Variants in OSBPL6 observed in about 807,000 individuals in gnomAD.
OSBPL6 encodes the protein oxysterol binding protein like 6.
A neutral mutation model predicts 125.8 loss-of-function variants in OSBPL6; 49 were observed. The observed-to-expected ratio is 0.39, with a 90% CI of 0.31 to 0.49. The LOEUF (loss-of-function observed/expected upper bound fraction) is 0.49. OSBPL6 is among the 20% of genes least tolerant of loss of function. The pLI is 0.88. For missense variants in OSBPL6, 986 were observed against 1,135.4 expected, an observed-to-expected ratio of 0.87 and a Z score of 1.89; for synonymous variants, 394 against 391.8, an observed-to-expected ratio of 1.01 and a Z score of -0.07.
In OSBPL6 at chr2:178,402,097, C is replaced by T. The variant is rs948056617; in HGVS notation, c.*6538C>T. 5 of 151,338 alleles carry T rather than the reference C, an allele frequency of 3.3e-5. No individual in the cohort carries two copies. The highest frequency in any genetic ancestry group is 3.3e-4 in the Admixed American group (5 of 15,240). The allele number at this position is 151,338 out of a possible 1,614,324, so 9.4% of individuals were successfully genotyped here. A position where few individuals can be genotyped will look rare whatever the true frequency, so the allele number is the denominator to read the frequency against. The stretch of plus-strand genomic sequence containing the variant: ...TGAGCCTGGACGACAGAGCAAGTTC[C>T]TGTCTTAAAAAAAAAAGTAATAAAA... On this transcript the variant is annotated 3_prime_UTR_variant, in exon 25 of 25. Coordinates refer to ENST00000190611, the MANE Select transcript of OSBPL6 (RefSeq NM_032523.4).
chr2:178,280,615 T>C (rs1467502066), intron 1 of OSBPL6, among the ~76,000 whole-genome samples: 1 of 152,228 alleles, frequency 6.6e-6, no homozygotes, highest in Admixed American at 6.5e-5. Flanking sequence ...ATATACACTT[T>C]CGTGCATTTA....
intron 1 of OSBPL6, among the ~76,000 whole-genome samples, chr2:178,274,424 TAATA>T (rs1226331654): frequency 6.6e-6 from 1 of 151,990 alleles, no homozygotes; most frequent in Non-Finnish European, 1.5e-5. Context: ...ATAAATAAAC[TAATA>T]AATAAACTGT....
At chr2:178,380,521 A>G (rs1187472324) in intron 15 of OSBPL6, among the ~76,000 whole-genome samples, 2 of 151,904 alleles carry the variant, frequency 1.3e-5, no homozygotes, top group Non-Finnish European at 2.9e-5. Flanking sequence ...ATACTAAAAA[A>G]GATGGATAGT....
chr2:178,326,567 G>C (rs1217820559), intron 4 of OSBPL6, among the ~76,000 whole-genome samples: 1 of 152,150 alleles, frequency 6.6e-6, no homozygotes, highest in African/African-American at 2.4e-5. Flanking sequence ...AGTCTACTAA[G>C]TATAGAGGGA....
At chr2:178,353,473 G>A (rs1339063252) in intron 12 of OSBPL6, among the ~76,000 whole-genome samples, 5 of 152,226 alleles carry the variant, frequency 3.3e-5, no homozygotes, top group Admixed American at 1.3e-4. Flanking sequence ...TAGCTGATTC[G>A]ATCAAGTGGA....
intron 11 of OSBPL6, among the ~76,000 whole-genome samples, chr2:178,342,442 T>C (rs1299127091): frequency 2.0e-5 from 3 of 152,220 alleles, no homozygotes; most frequent in Non-Finnish European, 4.4e-5. Context: ...GGATGTTTGA[T>C]TGCTTATTCT....
Position 178,266,512 on chromosome 2 carries a change from G to C in OSBPL6, c.-350-18415G>C, listed in dbSNP as rs902768094. Among the ~76,000 whole-genome samples, 9 of 152,332 alleles carry C rather than the reference G, an allele frequency of 5.9e-5. No individual in the cohort carries two copies. In the South Asian group the frequency reaches 1.0e-3, roughly 18 times the overall value. On this transcript the variant is annotated intron_variant, in intron 1 of 24. Coordinates refer to ENST00000190611, the MANE Select transcript of OSBPL6 (RefSeq NM_032523.4). ...CTCTACCACAGAAGCCACCGGGCTT[G>C]TGGTTGATCAGCTTGCTCCGTCTGT...
Position 178,396,618 on chromosome 2 carries a change from C to T in OSBPL6, c.*1059C>T, listed in dbSNP as rs1008679942. On this transcript the variant is annotated 3_prime_UTR_variant, in exon 25 of 25. Transcript: ENST00000190611. ...CGCTCCACTGACACTAGTCGAATTCCACTGAGAACAGAAGCAAGAATAATA... is the reference window on the plus strand; with the variant it reads ...CGCTCCACTGACACTAGTCGAATTCTACTGAGAACAGAAGCAAGAATAATA... The T allele has an allele frequency of 7.2e-5, 11 of 152,184 alleles. No homozygotes were observed. Among genetic ancestry groups the T allele is most frequent in the Non-Finnish European group, 1.2e-4 (8 of 68,042 alleles). 9.4% of individuals were successfully genotyped at this position (152,184 alleles called of 1,614,324 possible).
intron 12 of OSBPL6, among the ~76,000 whole-genome samples, chr2:178,351,310 A>G (rs755903281): frequency 3.3e-5 from 5 of 152,186 alleles, no homozygotes; most frequent in Non-Finnish European, 7.3e-5. Flanking sequence ...AATGATCTCT[A>G]TTTGCAAATG....
rs115061487 is a variant in OSBPL6 at position 178,226,614 on chromosome 2, G to A, written c.-351+31940G>A. 4.3e-3 allele frequency among the ~76,000 whole-genome samples: 656 copies of A among 152,214 alleles called. 3 individuals carry two copies. Among genetic ancestry groups the A allele is most frequent in the Non-Finnish European group, 7.1e-3 (481 of 68,026 alleles). ...TGTGTTTAGAACTTTGGTGTATGTC[G>A]GATTTGTAGGAAAAGGAGGGACTAT... On this transcript the variant is annotated intron_variant, in intron 1 of 24. Coordinates refer to ENST00000190611, the MANE Select transcript of OSBPL6 (RefSeq NM_032523.4).
rs571909893 is a variant in OSBPL6 at position 178,335,851 on chromosome 2, G to T, written c.658-450G>T. Reference sequence around the variant, plus strand: ...ATTTCCAATACGAATTCAAGGCATTGCAAGGTTGCTTACTGGTGGATAATG... The same window carrying T: ...ATTTCCAATACGAATTCAAGGCATTTCAAGGTTGCTTACTGGTGGATAATG... On this transcript the variant is annotated intron_variant, in intron 8 of 24. Coordinates refer to ENST00000190611, the MANE Select transcript of OSBPL6 (RefSeq NM_032523.4). Among the ~76,000 whole-genome samples, 3 of 152,148 alleles carry T rather than the reference G, an allele frequency of 2.0e-5. No homozygotes were observed. The South Asian group carries it at 6.2e-4, about 32-fold the overall frequency.
At chr2:178,215,994 G>A (rs1450581775) in intron 1 of OSBPL6, among the ~76,000 whole-genome samples, 1 of 152,156 alleles carries the variant, frequency 6.6e-6, no homozygotes, top group Non-Finnish European at 1.5e-5. Context: ...CCTAAGGAGG[G>A]TCTTGAACCA....
At chr2:178,384,496 A>C (rs952500199) in intron 18 of OSBPL6, among the ~76,000 whole-genome samples, 3 of 152,212 alleles carry the variant, frequency 2.0e-5, no homozygotes, top group Non-Finnish European at 4.4e-5. Context: ...AAGGTGGGAC[A>C]ACTTGGAAAT....
rs554867581 is a variant in OSBPL6 at position 178,321,086 on chromosome 2, G to A, written c.103-3091G>A. Among the ~76,000 whole-genome samples the A allele has an allele frequency of 2.6e-3, 395 of 152,288 alleles. 3 individuals carry two copies. The highest frequency in any genetic ancestry group is 0.01 in the Middle Eastern group (3 of 294). ...GAATCTCTTGAACCCGGGAGGCGGA[G>A]GTTGTAGTGAGCTGAGATTGTGTCA... On this transcript the variant is annotated intron_variant, in intron 3 of 24. Transcript: ENST00000190611.
chr2:178,374,760 A>G (rs1347356388), intron 15 of OSBPL6, among the ~76,000 whole-genome samples: 1 of 152,250 alleles, frequency 6.6e-6, no homozygotes, highest in African/African-American at 2.4e-5. Context: ...AATCATTGCT[A>G]AACATTATTT....
intron 14 of OSBPL6, among the ~76,000 whole-genome samples, chr2:178,373,447 A>T (rs985564027): frequency 6.6e-6 from 1 of 152,230 alleles, no homozygotes; most frequent in African/African-American, 2.4e-5. Flanking sequence ...GTTAAAATTC[A>T]TGATCAAATT....
intron 1 of OSBPL6, among the ~76,000 whole-genome samples, chr2:178,212,146 C>T (rs1156463887): frequency 6.6e-6 from 1 of 152,090 alleles, no homozygotes; most frequent in Non-Finnish European, 1.5e-5. Flanking sequence ...AACAAGGCCG[C>T]CTTACAAATT....
chr2:178,397,776 T>G lies in OSBPL6; in HGVS notation c.*2217T>G, dbSNP rs1695934719. On this transcript the variant is annotated 3_prime_UTR_variant, in exon 25 of 25. Transcript: ENST00000190611. ...AACGACTGTACTTAGCAATTTGGGT[T>G]ATAATTACAAAAAAGAAAAAATAGT... 1 of 152,168 alleles carries G rather than the reference T, an allele frequency of 6.6e-6. No individual in the cohort carries two copies. The highest frequency in any genetic ancestry group is 1.5e-5 in the Non-Finnish European group (1 of 68,040). 9.4% of individuals were successfully genotyped at this position (152,168 alleles called of 1,614,324 possible). A position where few individuals can be genotyped will look rare whatever the true frequency, so the allele number is the denominator to read the frequency against.
chr2:178,391,148 C>T lies in OSBPL6; in HGVS notation c.2377C>T (p.Leu793=). The change falls in exon 22 of 25, where the codon CTG becomes TTG. Residue 793 remains leucine, a synonymous_variant. Transcript: ENST00000190611. ...TCAGGAGGGGAAGGCGGTGTACCGG[C>T]TGTTTGGAAAGTGGCATGAAGGACT... The part of the protein sequence containing the change: ...IDQEGKAVYR[L]FGKWHEGLYC... 1.2e-6 allele frequency: 2 copies of T among 1,613,848 alleles called. No homozygotes were observed. The highest frequency in any genetic ancestry group is 1.7e-6 in the Non-Finnish European group (2 of 1,179,912).
Sources: allele counts gnomAD v4.1 joint callset (sites outside exome capture counted in the v4.1 genomes callset), GRCh38; gene constraint gnomAD v4.1.1; transcripts MANE v1.5; gene names NCBI Gene and HGNC (gene_info 2026-07-23, HGNC 2026-07-21).